CNTN4: variants seen among roughly 807,000 people sequenced by gnomAD.
The protein encoded by CNTN4 is contactin-4.
A neutral mutation model predicts 122.5 loss-of-function variants in CNTN4; 77 were observed. The observed-to-expected ratio is 0.63, with a 90% CI of 0.52 to 0.76. The LOEUF is 0.76. Among genes scored for constraint, CNTN4 ranks in the 30% least tolerant of loss-of-function variants. The pLI is 0.00. For missense variants in CNTN4, 1,256 were observed against 1,259.1 expected (o/e 1.00, Z 0.04); for synonymous variants, 512 against 447.0 (o/e 1.15, Z -1.83).
At chr3:2,667,750 T>A (rs2150347011) in intron 4 of CNTN4, among the ~76,000 whole-genome samples, 1 of 139,474 alleles carries the variant, frequency 7.2e-6, no homozygotes, top group African/African-American at 2.8e-5. Context: ...CTTTAATCCA[T>A]CTTGAATTGA....
At chr3:2,838,584 T>C (rs1449822794) in intron 7 of CNTN4, among the ~76,000 whole-genome samples, 1 of 148,028 alleles carries the variant, frequency 6.8e-6, no homozygotes, top group Admixed American at 6.7e-5. Flanking sequence ...AAAAAAAAAT[T>C]AAGCATTTTG....
At chr3:2,877,326 C>G (rs962733557) in intron 8 of CNTN4, among the ~76,000 whole-genome samples, 1 of 152,142 alleles carries the variant, frequency 6.6e-6, no homozygotes, top group Non-Finnish European at 1.5e-5. Context: ...CAACTAAGCC[C>G]CTGTCTTCTA....
chr3:2,837,556 A>T (rs183960116), intron 7 of CNTN4, among the ~76,000 whole-genome samples: 137 of 152,188 alleles, frequency 9.0e-4, no homozygotes, highest in Non-Finnish European at 1.7e-3. Flanking sequence ...TCTGCAGGGA[A>T]TGAAAAAATA....
intron 2 of CNTN4, among the ~76,000 whole-genome samples, chr3:2,163,323 C>T (rs2036044635): frequency 6.6e-6 from 1 of 152,072 alleles, no homozygotes; most frequent in African/African-American, 2.4e-5. Flanking sequence ...AAGCTGTGTC[C>T]TCATCTCTCA....
At chr3:2,566,721 C>T (rs1412995786) in intron 3 of CNTN4, among the ~76,000 whole-genome samples, 1 of 152,178 alleles carries the variant, frequency 6.6e-6, no homozygotes. Context: ...GGGCTTCTGG[C>T]ATGATCCCTA....
At chr3:2,107,999 T>G (rs1049942339) in intron 2 of CNTN4, among the ~76,000 whole-genome samples, 6 of 152,070 alleles carry the variant, frequency 3.9e-5, no homozygotes, top group Non-Finnish European at 8.8e-5. Context: ...GAAATGGAGG[T>G]GAAATCACAT....
chr3:2,522,228 A>G (rs565857625), intron 3 of CNTN4, among the ~76,000 whole-genome samples: 2 of 151,952 alleles, frequency 1.3e-5, no homozygotes, highest in Non-Finnish European at 2.9e-5. Context: ...TACTACCAGT[A>G]CAATATGCTT....
chr3:2,570,360 A>C (rs1483308940), intron 3 of CNTN4, among the ~76,000 whole-genome samples: 1 of 151,470 alleles, frequency 6.6e-6, no homozygotes, highest in African/African-American at 2.4e-5. Context: ...ATTTTCCGTA[A>C]AGGTGGGGGT....
chr3:2,919,338 C>A (rs1303193445), intron 12 of CNTN4, among the ~76,000 whole-genome samples: 4 of 122,192 alleles, frequency 3.3e-5, no homozygotes, highest in African/African-American at 1.3e-4. Flanking sequence ...GGTGACAGAG[C>A]AAGACTCTGT....
At chr3:3,027,097 G>A (rs540464507) in intron 15 of CNTN4, among the ~76,000 whole-genome samples, 7 of 152,080 alleles carry the variant, frequency 4.6e-5, no homozygotes, top group Non-Finnish European at 7.4e-5. Context: ...CCCCCTTTAC[G>A]TTGAGAATAA....
intron 5 of CNTN4, among the ~76,000 whole-genome samples, chr3:2,737,115 C>G (rs1355644068): frequency 6.6e-6 from 1 of 151,896 alleles, no homozygotes; most frequent in African/African-American, 2.4e-5. Flanking sequence ...GGGTCTCCCT[C>G]TGTCACCCAG....
At chr3:2,616,387 A>T (rs998305476) in intron 4 of CNTN4, among the ~76,000 whole-genome samples, 6 of 152,128 alleles carry the variant, frequency 3.9e-5, no homozygotes, top group Admixed American at 1.3e-4. Flanking sequence ...ATTGTTGGTC[A>T]TTCAGGTTAG....
chr3:2,353,898 CAAAA>C (rs907358740), intron 3 of CNTN4, among the ~76,000 whole-genome samples: 1 of 150,062 alleles, frequency 6.7e-6, no homozygotes, highest in African/African-American at 2.4e-5. Flanking sequence ...GACTCCGTCT[CAAAA>C]AAAACAAAAA....
At chr3:2,634,556 C>T (rs540812629) in intron 4 of CNTN4, among the ~76,000 whole-genome samples, 8 of 151,908 alleles carry the variant, frequency 5.3e-5, no homozygotes, top group African/African-American at 1.9e-4. Context: ...TAGGGCCGGG[C>T]ACAGTGGCTC....
At chr3:2,671,665 C>A (rs1445992012) in intron 4 of CNTN4, among the ~76,000 whole-genome samples, 1 of 152,170 alleles carries the variant, frequency 6.6e-6, no homozygotes, top group African/African-American at 2.4e-5. Flanking sequence ...GAGAGGCGCG[C>A]TGATTTTTAG....
intron 23 of CNTN4, 50 bp downstream of exon 23, chr3:3,043,754 G>T (rs762019834): frequency 3.5e-6 from 4 of 1,155,946 alleles, no homozygotes; most frequent in East Asian, 4.7e-5. Flanking sequence ...GTGAGTGGGG[G>T]CAGTCTCCTC....
chr3:2,584,933 A>G (rs943473259), intron 4 of CNTN4, among the ~76,000 whole-genome samples: 14 of 152,012 alleles, frequency 9.2e-5, no homozygotes, highest in African/African-American at 3.1e-4. Context: ...AGATAGATAG[A>G]TAGATAGATA....
intron 6 of CNTN4, among the ~76,000 whole-genome samples, chr3:2,746,460 A>G (rs982266683): frequency 6.6e-6 from 1 of 152,254 alleles, no homozygotes; most frequent in Non-Finnish European, 1.5e-5. Flanking sequence ...TCCATAGGCA[A>G]GAGCAATTAG....
At chr3:2,284,764 C>A (rs979733296) in intron 2 of CNTN4, among the ~76,000 whole-genome samples, 1 of 151,268 alleles carries the variant, frequency 6.6e-6, no homozygotes, top group Non-Finnish European at 1.5e-5. Flanking sequence ...AAAAAGTTAA[C>A]TTATGAGGTG....
Sources: gnomAD v4.1 joint callset for allele counts (sites outside exome capture counted in the v4.1 genomes callset) on GRCh38, gnomAD v4.1.1 for gene constraint, MANE v1.5 for transcripts, NCBI Gene and HGNC (gene_info 2026-07-23, HGNC 2026-07-21) for gene names.